The following CDK14 variants were observed in gnomAD, a reference collection of about 807,000 sequenced individuals.
CDK14 encodes the protein cyclin dependent kinase 14.
A neutral mutation model predicts 60.7 loss-of-function variants in CDK14; 34 were observed. That is an observed-to-expected ratio of 0.56 (90% confidence interval 0.43 to 0.75). CDK14 has a LOEUF of 0.75. Among genes scored for constraint, CDK14 ranks in the 30% least tolerant of loss-of-function variants. The pLI, the probability that CDK14 is intolerant of heterozygous loss-of-function variation, is 0.00. For synonymous variants in CDK14, 197 were observed against 203.7 expected (o/e 0.97, Z 0.28); for missense variants, 482 against 564.1 (o/e 0.85, Z 1.47).
intron 5 of CDK14, among the ~76,000 whole-genome samples, chr7:90,798,575 G>A (rs1291704839): frequency 1.3e-5 from 2 of 152,126 alleles, no homozygotes; most frequent in East Asian, 3.8e-4. Context: ...TATCAACAGC[G>A]GGAAGATTTC....
intron 14 of CDK14, among the ~76,000 whole-genome samples, chr7:91,152,872 C>T (rs1041936369): frequency 2.6e-5 from 4 of 152,210 alleles, no homozygotes; most frequent in African/African-American, 9.6e-5. Context: ...TAAGAATGAT[C>T]TTATATAATA....
intron 7 of CDK14, among the ~76,000 whole-genome samples, chr7:90,914,209 T>C (rs1792997397): frequency 6.6e-6 from 1 of 152,208 alleles, no homozygotes; most frequent in South Asian, 2.1e-4. Context: ...CTCGTTCCTT[T>C]TGAAATTTTA....
chr7:90,826,373 C>A (rs553718937), intron 5 of CDK14, among the ~76,000 whole-genome samples: 1 of 152,224 alleles, frequency 6.6e-6, no homozygotes, highest in South Asian at 2.1e-4. Flanking sequence ...CGCCCACCCC[C>A]ACTCCCAGCT....
At chr7:91,075,491 A>G (rs907840303) in intron 11 of CDK14, among the ~76,000 whole-genome samples, 4 of 152,264 alleles carry the variant, frequency 2.6e-5, no homozygotes, top group Non-Finnish European at 4.4e-5. Context: ...GCTATTTATG[A>G]CAAACCCATA....
intron 9 of CDK14, among the ~76,000 whole-genome samples, chr7:90,960,308 C>T (rs1349791217): frequency 6.6e-6 from 1 of 152,078 alleles, no homozygotes; most frequent in Non-Finnish European, 1.5e-5. Flanking sequence ...ACAGTACTCC[C>T]CAACACCCCA....
chr7:90,649,998 G>A (rs934938454), intron 2 of CDK14, among the ~76,000 whole-genome samples: 1 of 152,086 alleles, frequency 6.6e-6, no homozygotes, highest in Non-Finnish European at 1.5e-5. Flanking sequence ...TGGGTCAAAA[G>A]GTATTTCTAG....
At chr7:90,663,626 G>A (rs1374531888) in intron 2 of CDK14, among the ~76,000 whole-genome samples, 1 of 152,146 alleles carries the variant, frequency 6.6e-6, no homozygotes, top group African/African-American at 2.4e-5. Context: ...TCTATTTAGT[G>A]TCTCTCTCAA....
intron 14 of CDK14, among the ~76,000 whole-genome samples, chr7:91,152,593 A>G (rs1001386327): frequency 1.3e-5 from 2 of 152,200 alleles, no homozygotes; most frequent in African/African-American, 2.4e-5. Context: ...CATTTGTTCA[A>G]TAAATCTTTA....
chr7:91,034,945 TACACACACACACAC>T (rs35003949), intron 10 of CDK14, among the ~76,000 whole-genome samples: 10 of 146,094 alleles, frequency 6.8e-5, no homozygotes, highest in Middle Eastern at 6.9e-3. Flanking sequence ...CACATACACA[TACACACACACACAC>T]ACACACACAC....
At chr7:90,812,440 G>A (rs1426396856) in intron 5 of CDK14, among the ~76,000 whole-genome samples, 1 of 152,040 alleles carries the variant, frequency 6.6e-6, no homozygotes, top group Admixed American at 6.5e-5. Flanking sequence ...ACACAGGAAG[G>A]GGCATATCAC....
intron 14 of CDK14, among the ~76,000 whole-genome samples, chr7:91,154,954 G>A (rs367708444): frequency 6.6e-6 from 1 of 152,206 alleles, no homozygotes; most frequent in African/African-American, 2.4e-5. Context: ...TTTCAGTGAT[G>A]AAAGTGGCCT....
intron 14 of CDK14, among the ~76,000 whole-genome samples, chr7:91,198,795 A>G (rs1484593227): frequency 6.6e-6 from 1 of 152,236 alleles, no homozygotes; most frequent in African/African-American, 2.4e-5. Flanking sequence ...AACCCTAAGC[A>G]TGAAAAACTG....
At chr7:90,846,031 T>C (rs1173530865) in intron 5 of CDK14, among the ~76,000 whole-genome samples, 1 of 152,114 alleles carries the variant, frequency 6.6e-6, no homozygotes, top group Admixed American at 6.6e-5. Context: ...TTAAACTCCA[T>C]AAAAACCTGA....
intron 9 of CDK14, among the ~76,000 whole-genome samples, chr7:90,983,120 T>A (rs564503755): frequency 1.3e-5 from 2 of 152,286 alleles, no homozygotes; most frequent in South Asian, 4.2e-4. Context: ...AATAAATTAG[T>A]TCAGCCACCA....
intron 14 of CDK14, among the ~76,000 whole-genome samples, chr7:91,131,010 G>T (rs1376949125): frequency 6.6e-6 from 1 of 152,112 alleles, no homozygotes; most frequent in Non-Finnish European, 1.5e-5. Context: ...AAATCTGGGT[G>T]CATTTGGGGT....
At chr7:90,902,909 C>T (rs1004478333) in intron 7 of CDK14, among the ~76,000 whole-genome samples, 13 of 151,862 alleles carry the variant, frequency 8.6e-5, no homozygotes, top group African/African-American at 3.1e-4. Context: ...GAAACAAACT[C>T]GTTAAAAAGT....
At chr7:91,035,453 G>A (rs556891921) in intron 10 of CDK14, among the ~76,000 whole-genome samples, 3 of 152,052 alleles carry the variant, frequency 2.0e-5, no homozygotes, top group Non-Finnish European at 2.9e-5. Flanking sequence ...ATGTGGCTCC[G>A]CATAAGTCAG....
chr7:91,015,891 A>G (rs536024203), intron 10 of CDK14, among the ~76,000 whole-genome samples: 10 of 152,124 alleles, frequency 6.6e-5, no homozygotes, highest in South Asian at 2.1e-4. Context: ...GCAGATTACT[A>G]TGTTTTAATT....
intron 3 of CDK14, among the ~76,000 whole-genome samples, chr7:90,739,256 A>G (rs948180766): frequency 6.6e-6 from 1 of 152,232 alleles, no homozygotes. Context: ...AAAATGTGGC[A>G]AAGTATTAAT....
Sources: gnomAD v4.1 joint callset for allele counts (sites outside exome capture counted in the v4.1 genomes callset) on GRCh38, gnomAD v4.1.1 for gene constraint, MANE v1.5 for transcripts, NCBI Gene and HGNC (gene_info 2026-07-23, HGNC 2026-07-21) for gene names.